PRKG1: variants seen among roughly 807,000 people sequenced by gnomAD.
The protein encoded by PRKG1 is cGMP-dependent protein kinase 1.
PRKG1 carries 35 observed loss-of-function variants against 88.1 expected under a neutral mutation model. The ratio of observed to expected loss-of-function variants is 0.40; its 90% CI spans 0.30 to 0.53. The LOEUF (loss-of-function observed/expected upper bound fraction) is 0.53, where lower values mean the gene tolerates loss of function less well. PRKG1 is among the 20% of genes least tolerant of loss of function. The pLI, the probability that PRKG1 is intolerant of heterozygous loss-of-function variation, is 0.59. For missense variants in PRKG1, 540 were observed against 839.8 expected, an observed-to-expected ratio of 0.64 and a Z score of 4.41; for synonymous variants, 303 against 292.5, an observed-to-expected ratio of 1.04 and a Z score of -0.37.
At chr10:51,353,306 T>C (rs1564458540) in intron 2 of PRKG1, among the ~76,000 whole-genome samples, 3 of 151,958 alleles carry the variant, frequency 2.0e-5, no homozygotes, top group Admixed American at 2.0e-4. Context: ...TGGGATCACA[T>C]CAAGTTAAAA....
chr10:52,105,312 G>T (rs1847389869), intron 7 of PRKG1, among the ~76,000 whole-genome samples: 1 of 152,072 alleles, frequency 6.6e-6, no homozygotes, highest in South Asian at 2.1e-4. Context: ...TTTTTAGGTC[G>T]CTGGATTACT....
At chr10:51,629,949 C>T (rs1410576485) in intron 3 of PRKG1, among the ~76,000 whole-genome samples, 1 of 152,186 alleles carries the variant, frequency 6.6e-6, no homozygotes, top group Non-Finnish European at 1.5e-5. Flanking sequence ...TCATCGCCCC[C>T]ATAATTCCAG....
At chr10:51,144,731 G>A (rs1845901354) in intron 1 of PRKG1, among the ~76,000 whole-genome samples, 1 of 152,156 alleles carries the variant, frequency 6.6e-6, no homozygotes, top group Non-Finnish European at 1.5e-5. Context: ...CAAAACAATG[G>A]TTGGAGGTAA....
At chr10:51,285,217 T>A (rs975894873) in intron 2 of PRKG1, among the ~76,000 whole-genome samples, 3 of 152,080 alleles carry the variant, frequency 2.0e-5, no homozygotes, top group African/African-American at 7.2e-5. Flanking sequence ...TTGTTAGACA[T>A]TTCCTAAGTT....
At chr10:51,298,919 G>A in intron 2 of PRKG1, among the ~76,000 whole-genome samples, 1 of 152,154 alleles carries the variant, frequency 6.6e-6, no homozygotes, top group East Asian at 1.9e-4. Flanking sequence ...AAGATCATAT[G>A]GTTGCATAAA....
chr10:51,195,653 G>C (rs1837743694), intron 2 of PRKG1, among the ~76,000 whole-genome samples: 1 of 152,144 alleles, frequency 6.6e-6, no homozygotes, highest in Admixed American at 6.6e-5. Context: ...CTAACTTAAG[G>C]AAAACAGATG....
At chr10:51,394,015 C>T (rs1160602886) in intron 2 of PRKG1, among the ~76,000 whole-genome samples, 3 of 152,080 alleles carry the variant, frequency 2.0e-5, no homozygotes, top group East Asian at 3.9e-4. Context: ...TTCTCTTGAC[C>T]TCTGAGGGGC....
At chr10:52,247,757 G>A (rs1841062438) in intron 9 of PRKG1, among the ~76,000 whole-genome samples, 1 of 152,128 alleles carries the variant, frequency 6.6e-6, no homozygotes. Context: ...CAGAGTCTCT[G>A]TGAAAATGTG....
intron 3 of PRKG1, among the ~76,000 whole-genome samples, chr10:51,593,888 C>G (rs926517893): frequency 1.3e-5 from 2 of 152,078 alleles, no homozygotes; most frequent in African/African-American, 4.8e-5. Context: ...CCACACCCAA[C>G]TAATTTTTGT....
At chr10:51,295,393 A>G (rs1840693631) in intron 2 of PRKG1, among the ~76,000 whole-genome samples, 1 of 152,038 alleles carries the variant, frequency 6.6e-6, no homozygotes, top group Admixed American at 6.6e-5. Flanking sequence ...TGTTACTATT[A>G]TGAATGGGAT....
At chr10:51,707,103 A>G (rs1841624995) in intron 3 of PRKG1, among the ~76,000 whole-genome samples, 1 of 152,124 alleles carries the variant, frequency 6.6e-6, no homozygotes, top group Non-Finnish European at 1.5e-5. Flanking sequence ...CCTTTGGTAG[A>G]TTTGTAGTTG....
intron 5 of PRKG1, among the ~76,000 whole-genome samples, chr10:52,011,075 A>G (rs1008760505): frequency 6.6e-6 from 1 of 152,354 alleles, no homozygotes; most frequent in South Asian, 2.1e-4. Flanking sequence ...ATTTAATTTC[A>G]GAATGCCAAG....
At chr10:51,112,297 G>A (rs984497490) in intron 1 of PRKG1, among the ~76,000 whole-genome samples, 4 of 151,970 alleles carry the variant, frequency 2.6e-5, no homozygotes, top group Non-Finnish European at 4.4e-5. Flanking sequence ...ATAGATACTA[G>A]TTATACAATT....
rs1564620908 is a variant in PRKG1, at chr10:51,156,324, C to CACACACACACACACACACACA, written c.478+2994_478+2995insACACACACACACACACACACA. ...ACACACACACACACAAACACACACA[C>CACACACACACACACACACACA]CCGAATGTAACAAAATAAGAAAGAA... On this transcript the variant is annotated intron_variant, in intron 2 of 17. Transcript: ENST00000373980. Among the ~76,000 whole-genome samples, 53 of 139,752 alleles carry CACACACACACACACACACACA rather than the reference C, an allele frequency of 3.8e-4. 1 individual carries two copies. The highest frequency in any genetic ancestry group is 8.5e-4 in the South Asian group (4 of 4,688). The allele number at this position is 139,752 out of a possible 152,430, so 91.7% of individuals were successfully genotyped here. A position where few individuals can be genotyped will look rare whatever the true frequency, so the allele number is the denominator to read the frequency against.
intron 2 of PRKG1, among the ~76,000 whole-genome samples, chr10:51,370,838 A>G (rs1442867776): frequency 6.6e-6 from 1 of 152,066 alleles, no homozygotes; most frequent in East Asian, 1.9e-4. Context: ...TTTATGCCCA[A>G]AGCCCATGCC....
intron 3 of PRKG1, among the ~76,000 whole-genome samples, chr10:51,628,745 G>A (rs1019593868): frequency 1.3e-5 from 2 of 151,200 alleles, no homozygotes; most frequent in African/African-American, 4.9e-5. Context: ...GGATCATGAG[G>A]TCAGGAGATC....
Position 51,175,560 on chromosome 10 carries a change from A to C in PRKG1, c.478+22230A>C, listed in dbSNP as rs138373898. On this transcript the variant is annotated intron_variant, in intron 2 of 17. Coordinates refer to ENST00000373980, the MANE Select transcript of PRKG1 (RefSeq NM_006258.4). The stretch of plus-strand genomic sequence containing the variant: ...CCGGAAGATAAAAACATAAAACCTC[A>C]TTCAAATCCTTTCCCACCTTTCAAG... Among the ~76,000 whole-genome samples, 189 of 152,220 alleles carry C rather than the reference A, an allele frequency of 1.2e-3. 1 individual carries two copies. In the East Asian group the frequency reaches 0.026, roughly 21 times the overall value.
chr10:51,865,297 C>G (rs1840985204), intron 4 of PRKG1, among the ~76,000 whole-genome samples: 1 of 152,012 alleles, frequency 6.6e-6, no homozygotes, highest in Non-Finnish European at 1.5e-5. Context: ...ATAGTCTTAT[C>G]TAATTAAACT....
chr10:52,212,920 T>C (rs1272301820), intron 9 of PRKG1, among the ~76,000 whole-genome samples: 1 of 152,150 alleles, frequency 6.6e-6, no homozygotes, highest in African/African-American at 2.4e-5. Context: ...AATTTCAACA[T>C]AGAGTGATTT....
Sources: allele counts gnomAD v4.1 joint callset (sites outside exome capture counted in the v4.1 genomes callset), GRCh38; gene constraint gnomAD v4.1.1; transcripts MANE v1.5; gene names NCBI Gene and HGNC (gene_info 2026-07-23, HGNC 2026-07-21).